The following HSCB variants were observed in gnomAD, a reference collection of about 807,000 sequenced individuals.
The protein encoded by HSCB is HscB mitochondrial iron-sulfur cluster cochaperone.
Under a neutral mutation model 31.3 loss-of-function variants are expected in HSCB, and 23 were observed. That is an observed-to-expected ratio of 0.74 (90% CI 0.53 to 1.04). HSCB has a LOEUF of 1.04. HSCB is among the 50% of genes least tolerant of loss of function. HSCB has a pLI of 0.00. For synonymous variants in HSCB, 110 were observed against 104.5 expected (o/e 1.05, Z -0.32); for missense variants, 297 against 288.1 (o/e 1.03, Z -0.22).
At position 28,751,344 on chromosome 22, in the gene HSCB, A is replaced by G. The variant is rs1174089717; in HGVS notation, c.616+56A>G. 1.8e-5 allele frequency: 18 copies of G among 1,019,106 alleles called. No homozygotes were observed. The South Asian group carries it at 2.0e-4, about 11-fold the overall frequency. The allele number at this position is 1,019,106 out of a possible 1,614,324, so 63.1% of individuals were successfully genotyped here. On this transcript the variant is annotated intron_variant, in intron 5 of 5. Transcript: ENST00000216027. ...GGAAAGAAATTTCAAGCACTGAAGC[A>G]TAGCCATTCATTCAATAACTAGCTA... is the stretch of plus-strand genomic sequence containing the variant.
At chr22:28,750,026 G>A (rs1232538227) in intron 4 of HSCB, among the ~76,000 whole-genome samples, 1 of 151,948 alleles carries the variant, frequency 6.6e-6, no homozygotes, top group Admixed American at 6.6e-5. Context: ...GAGATGGGCA[G>A]ATTACCTGAG....
At chr22:28,742,405 G>A in intron 1 of HSCB, 74 bp downstream of exon 1, 1 of 1,559,738 alleles carries the variant, frequency 6.4e-7, no homozygotes, top group Non-Finnish European at 8.7e-7. Context: ...AGGGGAGGAC[G>A]GATCTGGCTG....
chr22:28,753,012 G>A (rs1273866261), intron 5 of HSCB, among the ~76,000 whole-genome samples: 1 of 151,866 alleles, frequency 6.6e-6, no homozygotes, highest in African/African-American at 2.4e-5. Flanking sequence ...CCGGAAGTCG[G>A]AGGTTGCAGT....
intron 1 of HSCB, 27 bp downstream of exon 1, chr22:28,742,358 G>T (rs775018576): frequency 6.2e-7 from 1 of 1,606,112 alleles, no homozygotes; most frequent in Non-Finnish European, 8.5e-7. Context: ...CGGGAAACGG[G>T]CCCGGGCGAG....
intron 4 of HSCB, among the ~76,000 whole-genome samples, chr22:28,747,882 C>A (rs569810990): frequency 2.0e-5 from 3 of 149,394 alleles, no homozygotes; most frequent in Non-Finnish European, 3.0e-5. Flanking sequence ...CCTTTCCCCC[C>A]CAAAAAAATC....
chr22:28,746,103 G>T (rs377183164), intron 4 of HSCB, 95 bp downstream of exon 4: 11 of 1,243,062 alleles, frequency 8.8e-6, no homozygotes, highest in Non-Finnish European at 1.2e-5. Flanking sequence ...ATAATGGCCC[G>T]GGTGCAGTGG....
In HSCB at chr22:28,742,082, A is replaced by G; in HGVS notation, c.-14A>G. On this transcript the variant is annotated 5_prime_UTR_variant, in exon 1 of 6. The change creates a new upstream start codon in the 5' untranslated region. Transcript: ENST00000216027. ...TCCCCACGAGTGACCACGGCTAGATAGGCCGCCGGCCAGATGTGGCGGGGG... is the reference window on the plus strand; with the variant it reads ...TCCCCACGAGTGACCACGGCTAGATGGGCCGCCGGCCAGATGTGGCGGGGG... 6.2e-7 allele frequency: 1 copy of G among 1,600,608 alleles called. No individual in the cohort carries two copies. The highest frequency in any genetic ancestry group is 8.5e-7 in the Non-Finnish European group (1 of 1,174,564).
intron 4 of HSCB, among the ~76,000 whole-genome samples, 167 bp from the exon 5 acceptor site, chr22:28,751,074 G>A (rs116286738): frequency 0.013 from 1,881 of 149,680 alleles, 47 homozygotes; most frequent in African/African-American, 0.044. Flanking sequence ...CTAAACAGCA[G>A]CTGCCATCAT....
At chr22:28,742,756 G>A (rs2054601319) in intron 1 of HSCB, 1 of 185,784 alleles carries the variant, frequency 5.4e-6, no homozygotes, top group Non-Finnish European at 1.1e-5. Flanking sequence ...TTGGGTTGAT[G>A]TATTTAAGAA....
chr22:28,744,825 G>A, intron 3 of HSCB, 121 bp downstream of exon 3: 1 of 773,232 alleles, frequency 1.3e-6, no homozygotes, highest in Admixed American at 2.0e-5. Flanking sequence ...GCTCACACCT[G>A]TAATCCCAGA....
At chr22:28,744,177 T>C (rs1222592234) in intron 2 of HSCB, among the ~76,000 whole-genome samples, 199 bp downstream of exon 2, 1 of 152,212 alleles carries the variant, frequency 6.6e-6, no homozygotes, top group Non-Finnish European at 1.5e-5. Flanking sequence ...ACTTAAAACC[T>C]ATCAGCTGAA....
rs769939307 is a variant in HSCB at position 28,745,987 on chromosome 22, G to A, written c.547G>A (p.Glu183Lys). ...AGCTGAAAGTGAAGCTGCCATGAAAGAGATTGAATCCATTGTCAAAGGTGA... is the reference window on the plus strand; with the variant it reads ...AGCTGAAAGTGAAGCTGCCATGAAAAAGATTGAATCCATTGTCAAAGGTGA... ...AEAESEAAMKEIESIVKAKQK... is the reference protein window; with the variant it reads ...AEAESEAAMKKIESIVKAKQK... The change falls in exon 4 of 6, where the codon GAG becomes AAG. Residue 183 changes from glutamate to lysine, a missense_variant. Glu to Lys is a moderately conservative substitution (Grantham distance 56). Transcript: ENST00000216027. 38 of 1,612,328 alleles carry A rather than the reference G, an allele frequency of 2.4e-5. No individual in the cohort carries two copies. The highest frequency in any genetic ancestry group is 3.3e-4 in the Middle Eastern group (2 of 6,034).
Position 28,742,074 on chromosome 22 carries a change from G to A in HSCB, c.-22G>A, listed in dbSNP as rs770191558. On this transcript the variant is annotated 5_prime_UTR_variant, in exon 1 of 6. Transcript: ENST00000216027. ...TTTGCTTTTCCCCACGAGTGACCAC[G>A]GCTAGATAGGCCGCCGGCCAGATGT... The A allele has an allele frequency of 1.3e-6, 2 of 1,594,728 alleles. No homozygotes were observed. The highest frequency in any genetic ancestry group is 1.8e-5 in the Admixed American group (1 of 56,822).
intron 1 of HSCB, chr22:28,742,750 G>A: frequency 5.2e-6 from 1 of 191,640 alleles, no homozygotes; most frequent in South Asian, 9.9e-5. Flanking sequence ...TTAAAGTTGG[G>A]TTGATGTATT....
intron 4 of HSCB, among the ~76,000 whole-genome samples, 178 bp downstream of exon 4, chr22:28,746,186 G>T (rs544417158): frequency 6.6e-6 from 1 of 152,086 alleles, no homozygotes. Context: ...TTCAAGATCA[G>T]CCTGGCCAAC....
At position 28,743,877 on chromosome 22, in the gene HSCB, T is replaced by C. The variant is rs1569182850; in HGVS notation, c.237-5T>C. 3 of 1,612,908 alleles carry C rather than the reference T, an allele frequency of 1.9e-6. No individual in the cohort carries two copies. The highest frequency in any genetic ancestry group is 2.5e-6 in the Non-Finnish European group (3 of 1,179,150). ...TATAAATTTAATCTCCCAATTTCCT[T>C]CCAGCAACCGTTCCTTCAGAGTTGA... On this transcript the variant is annotated splice_polypyrimidine_tract_variant and splice_region_variant and intron_variant, in intron 1 of 5. Transcript: ENST00000216027.
chr22:28,753,301 G>A (rs940587482), intron 5 of HSCB, among the ~76,000 whole-genome samples: 4 of 151,412 alleles, frequency 2.6e-5, no homozygotes, highest in East Asian at 1.9e-4. Flanking sequence ...TGAGGCGGGC[G>A]GATCATTTGA....
intron 4 of HSCB, among the ~76,000 whole-genome samples, chr22:28,747,610 G>C (rs945658204): frequency 1.1e-4 from 16 of 152,268 alleles, no homozygotes; most frequent in South Asian, 8.3e-4. Flanking sequence ...GCATAGATTA[G>C]TGTTTGATCA....
At chr22:28,742,492 G>T in intron 1 of HSCB, 161 bp downstream of exon 1, 1 of 1,280,504 alleles carries the variant, frequency 7.8e-7, no homozygotes, top group East Asian at 2.5e-5. Flanking sequence ...GATTTCTCAG[G>T]AGGAAATTGA....
Sources: gnomAD v4.1 joint callset for allele counts (sites outside exome capture counted in the v4.1 genomes callset) on GRCh38, gnomAD v4.1.1 for gene constraint, MANE v1.5 for transcripts, NCBI Gene and HGNC (gene_info 2026-07-23, HGNC 2026-07-21) for gene names.